The following MGMT variants were observed in gnomAD, a reference collection of about 807,000 sequenced individuals.
MGMT encodes methylated-DNA--protein-cysteine methyltransferase.
A neutral mutation model predicts 15.9 loss-of-function variants in MGMT; 14 were observed. That is an observed-to-expected ratio of 0.88 (90% CI 0.58 to 1.37). MGMT has a LOEUF of 1.37. Among genes scored for constraint, MGMT ranks in the 40% most tolerant of loss-of-function variants. The probability of loss-of-function intolerance (pLI) is 0.00; values close to 1 mark genes in which losing one functional copy is unlikely to be tolerated. For missense variants in MGMT, 282 were observed against 268.1 expected (o/e 1.05, Z -0.36); for synonymous variants, 130 against 118.2 (o/e 1.10, Z -0.65).
chr10:129,699,314 G>C (rs577655395), intron 2 of MGMT, among the ~76,000 whole-genome samples: 1 of 151,764 alleles, frequency 6.6e-6, no homozygotes, highest in Non-Finnish European at 1.5e-5. Context: ...AGTCCTTATG[G>C]GGAAGAGTTG....
chr10:129,760,822 C>G (rs189231528), intron 4 of MGMT, among the ~76,000 whole-genome samples: 3 of 152,326 alleles, frequency 2.0e-5, no homozygotes, highest in African/African-American at 7.2e-5. Context: ...ATCCCCACCT[C>G]CTCCATCTCT....
intron 2 of MGMT, among the ~76,000 whole-genome samples, chr10:129,575,406 A>C (rs1846468751): frequency 6.6e-6 from 1 of 151,650 alleles, no homozygotes; most frequent in South Asian, 2.1e-4. Flanking sequence ...AACTACATGG[A>C]AACTGAACAA....
chr10:129,488,576 GT>G, intron 1 of MGMT, among the ~76,000 whole-genome samples: 1 of 152,296 alleles, frequency 6.6e-6, no homozygotes, highest in African/African-American at 2.4e-5. Context: ...ATAGTTGCAT[GT>G]AATTGAATTT....
intron 2 of MGMT, among the ~76,000 whole-genome samples, chr10:129,572,354 G>A (rs1846429869): frequency 6.6e-6 from 1 of 152,098 alleles, no homozygotes; most frequent in Non-Finnish European, 1.5e-5. Flanking sequence ...AATACATTAA[G>A]GTTATTTTTC....
intron 1 of MGMT, among the ~76,000 whole-genome samples, chr10:129,503,900 G>GT (rs1209725988): frequency 1.3e-5 from 2 of 152,090 alleles, no homozygotes; most frequent in East Asian, 1.9e-4. Flanking sequence ...GCTAGTTAAT[G>GT]TTTTTTTAAG....
chr10:129,607,320 A>G (rs1442941212), intron 2 of MGMT, among the ~76,000 whole-genome samples: 1 of 152,048 alleles, frequency 6.6e-6, no homozygotes, highest in African/African-American at 2.4e-5. Context: ...GGATTGTCGG[A>G]TAACATTTTA....
chr10:129,570,791 A>T (rs1183180031), intron 2 of MGMT, among the ~76,000 whole-genome samples: 2 of 152,212 alleles, frequency 1.3e-5, no homozygotes, highest in Non-Finnish European at 2.9e-5. Context: ...ATTTAAATGT[A>T]TGAGGATTCT....
chr10:129,529,128 G>A (rs569562303), intron 1 of MGMT, among the ~76,000 whole-genome samples: 4 of 152,096 alleles, frequency 2.6e-5, no homozygotes, highest in East Asian at 1.9e-4. Context: ...GCGGTAGAGC[G>A]GAGGCTGTGA....
chr10:129,468,465 C>T (rs1174530312), intron 1 of MGMT, among the ~76,000 whole-genome samples: 2 of 152,042 alleles, frequency 1.3e-5, no homozygotes, highest in Non-Finnish European at 2.9e-5. Flanking sequence ...TCTTCCTGGG[C>T]CCTCTGTCTC....
intron 3 of MGMT, among the ~76,000 whole-genome samples, chr10:129,738,864 T>C (rs1465611158): frequency 6.6e-6 from 1 of 152,208 alleles, no homozygotes; most frequent in Non-Finnish European, 1.5e-5. Context: ...AAGAGAATTT[T>C]AGGCCAATAT....
At chr10:129,565,128 G>A (rs571956681) in intron 2 of MGMT, among the ~76,000 whole-genome samples, 2 of 152,240 alleles carry the variant, frequency 1.3e-5, no homozygotes, top group African/African-American at 4.8e-5. Flanking sequence ...CGGGGCCGGG[G>A]TGTGGCAGGA....
At chr10:129,522,662 T>G (rs1845826391) in intron 1 of MGMT, among the ~76,000 whole-genome samples, 1 of 152,258 alleles carries the variant, frequency 6.6e-6, no homozygotes, top group Non-Finnish European at 1.5e-5. Context: ...CATGGCTTTC[T>G]TCACATGGCT....
intron 2 of MGMT, among the ~76,000 whole-genome samples, chr10:129,546,740 C>T (rs1846102330): frequency 6.6e-6 from 1 of 152,178 alleles, no homozygotes; most frequent in Non-Finnish European, 1.5e-5. Context: ...GAGGGTGGAA[C>T]ACTGACGTCA....
At chr10:129,645,038 A>G (rs1040404477) in intron 2 of MGMT, among the ~76,000 whole-genome samples, 1 of 152,014 alleles carries the variant, frequency 6.6e-6, no homozygotes, top group Non-Finnish European at 1.5e-5. Flanking sequence ...TTTTCTTTAC[A>G]TAGAAATTCT....
At chr10:129,511,966 G>C (rs1196538466) in intron 1 of MGMT, among the ~76,000 whole-genome samples, 1 of 152,218 alleles carries the variant, frequency 6.6e-6, no homozygotes, top group East Asian at 1.9e-4. Flanking sequence ...TCTGAGTCTG[G>C]CTGTCCTCTT....
At chr10:129,702,173 A>T (rs1433979473) in intron 2 of MGMT, 3 of 152,136 alleles carry the variant, frequency 2.0e-5, no homozygotes, top group African/African-American at 7.2e-5. Context: ...GGGAGCTTCT[A>T]CCCAGGGCAG....
In MGMT at chr10:129,536,757, T is replaced by TA. The variant is rs56140105; in HGVS notation, c.125+390dup. 7.0e-3 allele frequency: 1,075 copies of TA among 153,302 alleles called. 11 individuals carry two copies. Among genetic ancestry groups the TA allele is most frequent in the African/African-American group, 0.023 (918 of 40,694 alleles). 9.5% of individuals were successfully genotyped at this position (153,302 alleles called of 1,614,324 possible). A position where few individuals can be genotyped will look rare whatever the true frequency, so the allele number is the denominator to read the frequency against. ...AGGGAGATGCAGGATTAATCTTGAT[T>TA]AAAAAAAAAAGCCCAGATCAGCGTT... On this transcript the variant is annotated intron_variant, in intron 2 of 4. Coordinates refer to ENST00000651593, the MANE Select transcript of MGMT (RefSeq NM_002412.5).
intron 2 of MGMT, among the ~76,000 whole-genome samples, chr10:129,616,490 G>C (rs985606621): frequency 6.6e-6 from 1 of 152,102 alleles, no homozygotes; most frequent in African/African-American, 2.4e-5. Context: ...TTCCCAACAA[G>C]GGCTCACTGG....
At chr10:129,686,541 A>G (rs1424304696) in intron 2 of MGMT, among the ~76,000 whole-genome samples, 1 of 140,722 alleles carries the variant, frequency 7.1e-6, no homozygotes, top group Non-Finnish European at 1.5e-5. Context: ...CATCCGACTA[A>G]TTTTTGTATT....
Sources: allele counts gnomAD v4.1 joint callset (sites outside exome capture counted in the v4.1 genomes callset), GRCh38; gene constraint gnomAD v4.1.1; transcripts MANE v1.5; gene names NCBI Gene and HGNC (gene_info 2026-07-23, HGNC 2026-07-21).